CARS1: variants seen among roughly 807,000 people sequenced by gnomAD.
The protein encoded by CARS1 is cysteinyl-tRNA synthetase 1, also known as cysteine--tRNA ligase, cytoplasmic.
Under a neutral mutation model 106.2 loss-of-function variants are expected in CARS1, and 48 were observed. That is an observed-to-expected ratio of 0.45 (90% CI 0.36 to 0.57). The LOEUF (loss-of-function observed/expected upper bound fraction) is 0.57. Among genes scored for constraint, CARS1 ranks in the 20% least tolerant of loss-of-function variants. The probability of loss-of-function intolerance (pLI) is 0.00; values close to 1 mark genes in which losing one functional copy is unlikely to be tolerated. For missense variants in CARS1, 968 were observed against 1,057.2 expected (o/e 0.92, Z 1.17); for synonymous variants, 409 against 403.4 (o/e 1.01, Z -0.17).
chr11:3,040,581 G>A lies in CARS1; in HGVS notation c.455+315C>T. 1.9e-6 allele frequency: 1 copy of A among 534,450 alleles called. No individual in the cohort carries two copies. Among genetic ancestry groups the A allele is most frequent in the Non-Finnish European group, 3.6e-6 (1 of 278,562 alleles). 33.1% of individuals were successfully genotyped at this position (534,450 alleles called of 1,614,324 possible). ...CTCAGCATCTGGGGACCCCACGAGA[G>A]CTTGAGGGATGAGAGAAAACTTTAA... On this transcript the variant is annotated intron_variant, in intron 4 of 22. Coordinates refer to ENST00000380525, the MANE Select transcript of CARS1 (RefSeq NM_001014437.3). The surrounding 1 kb of genome is among the most constrained non-coding windows in gnomAD (Gnocchi z 5.8).
Position 3,041,448 on chromosome 11 carries a change from G to C in CARS1, c.367-464C>G, listed in dbSNP as rs1778119820. On this transcript the variant is annotated intron_variant, in intron 3 of 22. Transcript: ENST00000380525. This position sits in a 1 kb window ranked among gnomAD's most constrained non-coding sequence, Gnocchi z 4.9. ...CTTGGCCAGGGTCAGTCCCTGTTGG[G>C]GGAGCGCGGCTTGGAGGCCAGGACC... Among the ~76,000 whole-genome samples the C allele has an allele frequency of 1.3e-5, 2 of 152,112 alleles. No individual in the cohort carries two copies. Among genetic ancestry groups the C allele is most frequent in the South Asian group, 4.1e-4 (2 of 4,828 alleles).
At position 3,020,340 on chromosome 11, in the gene CARS1, C is replaced by A. The variant is rs199814371; in HGVS notation, c.1154-8G>T. ...CAGAGATGCTCAGGTCACCTGCAAA[C>A]ACGAGGGACGCCAGGCAAGGTCACT... On this transcript the variant is annotated splice_region_variant and splice_polypyrimidine_tract_variant and intron_variant, in intron 10 of 22. Coordinates refer to ENST00000380525, the MANE Select transcript of CARS1 (RefSeq NM_001014437.3). This position sits in a 1 kb window ranked among gnomAD's most constrained non-coding sequence, Gnocchi z 4.6. 344 of 1,588,836 alleles carry A rather than the reference C, an allele frequency of 2.2e-4. 2 individuals are homozygous for A. The highest frequency in any genetic ancestry group is 6.4e-5 in the Non-Finnish European group (74 of 1,157,122).
intron 16 of CARS1, 105 bp from the exon 17 acceptor site, chr11:3,015,954 G>A: frequency 1.1e-6 from 1 of 918,394 alleles, no homozygotes; most frequent in East Asian, 2.5e-5. Context: ...GGTGCCCCAA[G>A]ACCAGGAAAG....
Position 3,019,418 on chromosome 11 carries a change from G to T in CARS1, c.1267-151C>A. 1 of 860,982 alleles carries T rather than the reference G, an allele frequency of 1.2e-6. No homozygotes were observed. The highest frequency in any genetic ancestry group is 4.8e-5 in the South Asian group (1 of 20,860). 53.3% of individuals were successfully genotyped at this position (860,982 alleles called of 1,614,324 possible). On this transcript the variant is annotated intron_variant, in intron 11 of 22. Transcript: ENST00000380525. This position sits in a 1 kb window ranked among gnomAD's most constrained non-coding sequence, Gnocchi z 6.2. ...CACATGAAAAGACTAAGGGAAGGCTGGGCGAGATGGCTCACACCTGTAATC... is the reference window on the plus strand; with the variant it reads ...CACATGAAAAGACTAAGGGAAGGCTTGGCGAGATGGCTCACACCTGTAATC...
chr11:3,038,149 C>T lies in CARS1; in HGVS notation c.702G>A (p.Met234Ile), dbSNP rs1213252013. 1 of 1,614,136 alleles carries T rather than the reference C, an allele frequency of 6.2e-7. No homozygotes were observed. Among genetic ancestry groups the T allele is most frequent in the Non-Finnish European group, 8.5e-7 (1 of 1,179,964 alleles). Reference protein sequence around the residue: ...NETTDPDKKQMLERIQHAVQL... With the variant: ...NETTDPDKKQILERIQHAVQL... ...GCACTGCGTGCTGAATCCGTTCGAG[C>T]ATCTGCTTTTTATCGGGATCCGTGG... Residue 234 changes from methionine to isoleucine, a missense_variant, in exon 7 of 23, where the codon ATG becomes ATA. Coordinates refer to ENST00000380525, the MANE Select transcript of CARS1 (RefSeq NM_001014437.3). The surrounding 1 kb of genome is among the most constrained non-coding windows in gnomAD (Gnocchi z 4.0).
chr11:3,027,017 T>C (rs890018723), intron 9 of CARS1: 3 of 497,814 alleles, frequency 6.0e-6, no homozygotes, highest in South Asian at 5.6e-5. Flanking sequence ...GGGCAGCTCG[T>C]CCCTCTGCCT....
At chr11:3,055,320 T>A (rs1856095807) in intron 1 of CARS1, among the ~76,000 whole-genome samples, 1 of 151,540 alleles carries the variant, frequency 6.6e-6, no homozygotes, top group African/African-American at 2.4e-5. Context: ...CCCGGCTAAT[T>A]TTTTTTTTAT....
At chr11:3,013,682 T>C (rs998667024) in intron 17 of CARS1, among the ~76,000 whole-genome samples, 1 of 151,860 alleles carries the variant, frequency 6.6e-6, no homozygotes, top group African/African-American at 2.4e-5. Context: ...AACCCCCGTC[T>C]CTACTAAAAT....
Position 3,057,381 on chromosome 11 carries a change from G to T in CARS1, c.-14C>A, listed in dbSNP as rs753080255. Reference sequence around the variant, plus strand: ...GGAATCTGCCATGGCTGGGAATCCCGGACCCGCAGCTGCGGCTACAGACAC... The same window carrying T: ...GGAATCTGCCATGGCTGGGAATCCCTGACCCGCAGCTGCGGCTACAGACAC... On this transcript the variant is annotated 5_prime_UTR_variant, in exon 1 of 23. Coordinates refer to ENST00000380525, the MANE Select transcript of CARS1 (RefSeq NM_001014437.3). The T allele has an allele frequency of 6.2e-7, 1 of 1,609,152 alleles. No individual in the cohort carries two copies. Among genetic ancestry groups the T allele is most frequent in the South Asian group, 1.1e-5 (1 of 90,834 alleles).
rs1852584832 is a variant in CARS1 at position 3,030,259 on chromosome 11, G to A, written c.802-816C>T. The A allele has an allele frequency of 6.6e-6, 1 of 152,246 alleles. No homozygotes were observed. Among genetic ancestry groups the A allele is most frequent in the Non-Finnish European group, 1.5e-5 (1 of 68,098 alleles). The allele number at this position is 152,246 out of a possible 1,614,324, so 9.4% of individuals were successfully genotyped here. On this transcript the variant is annotated intron_variant, in intron 7 of 22. Transcript: ENST00000380525. The surrounding 1 kb of genome is among the most constrained non-coding windows in gnomAD (Gnocchi z 5.7). ...CTGGCAGACAGCAAGGACACAGGGTGGACAAAGCCACAACACAGACAGAGA... is the reference window on the plus strand; with the variant it reads ...CTGGCAGACAGCAAGGACACAGGGTAGACAAAGCCACAACACAGACAGAGA...
At chr11:3,012,139 C>T (rs1055503851) in intron 18 of CARS1, 56 bp downstream of exon 18, 10 of 1,485,952 alleles carry the variant, frequency 6.7e-6, no homozygotes, top group African/African-American at 2.8e-5. Context: ...ACGCCCGGTC[C>T]GGGGAGCCCA....
chr11:3,045,705 G>A lies in CARS1; in HGVS notation c.274+2048C>T, dbSNP rs185381562. ...TGGGATGTCCAACAGAGGTGGAAGGGCGAGCAGGAGGAGGGGCACATGGCC... is the reference window on the plus strand; with the variant it reads ...TGGGATGTCCAACAGAGGTGGAAGGACGAGCAGGAGGAGGGGCACATGGCC... On this transcript the variant is annotated intron_variant, in intron 2 of 22. Transcript: ENST00000380525. This position sits in a 1 kb window ranked among gnomAD's most constrained non-coding sequence, Gnocchi z 5.6. Among the ~76,000 whole-genome samples, 3 of 152,360 alleles carry A rather than the reference G, an allele frequency of 2.0e-5. No homozygotes were observed. The highest frequency in any genetic ancestry group is 7.2e-5 in the African/African-American group (3 of 41,588).
chr11:3,039,882 T>C lies in CARS1; in HGVS notation c.505A>G (p.Lys169Glu), dbSNP rs1486342861. The change falls in exon 5 of 23, where the codon AAA becomes GAA. Residue 169 changes from lysine to glutamate, a missense_variant. Physicochemically the swap from Lys to Glu is moderately conservative, Grantham distance 56. Coordinates refer to ENST00000380525, the MANE Select transcript of CARS1 (RefSeq NM_001014437.3). This position sits in a 1 kb window ranked among gnomAD's most constrained non-coding sequence, Gnocchi z 5.6. ...TTCATGCAATAAAAGACATCAAATT[T>C]GAAGTAATCCTTCAACACTCTTCTC... The part of the protein sequence containing the change: ...ILRRVLKDYF[K>E]FDVFYCMNIT... 6.3e-7 allele frequency: 1 copy of C among 1,593,320 alleles called. No individual in the cohort carries two copies.
At position 3,050,578 on chromosome 11, in the gene CARS1, T is replaced by A. The variant is rs1280694570; in HGVS notation, c.26-2577A>T. Among the ~76,000 whole-genome samples the A allele has an allele frequency of 6.6e-6, 1 of 152,220 alleles. No homozygotes were observed. Among genetic ancestry groups the A allele is most frequent in the Non-Finnish European group, 1.5e-5 (1 of 68,038 alleles). On this transcript the variant is annotated intron_variant, in intron 1 of 22. Transcript: ENST00000380525. The surrounding 1 kb of genome is among the most constrained non-coding windows in gnomAD (Gnocchi z 6.3). Reference sequence around the variant, plus strand: ...CACAGCCACAGGCCTCCAGCGGCCCTGCTGAAAAGCGCACGTTCACATTAC... The same window carrying A: ...CACAGCCACAGGCCTCCAGCGGCCCAGCTGAAAAGCGCACGTTCACATTAC...
rs1383744144 is a variant in CARS1, at chr11:3,038,858, A to C, written c.651+336T>G. The stretch of plus-strand genomic sequence containing the variant: ...TATCTTGGGCAGAAGTTTCTGATTT[A>C]GTTGTAACCTTGGCATTGAAAATTA... On this transcript the variant is annotated intron_variant, in intron 6 of 22. Coordinates refer to ENST00000380525, the MANE Select transcript of CARS1 (RefSeq NM_001014437.3). This position sits in a 1 kb window ranked among gnomAD's most constrained non-coding sequence, Gnocchi z 4.0. 6.6e-6 allele frequency among the ~76,000 whole-genome samples: 1 copy of C among 152,216 alleles called. No individual in the cohort carries two copies. The highest frequency in any genetic ancestry group is 1.5e-5 in the Non-Finnish European group (1 of 68,022).
intron 7 of CARS1, among the ~76,000 whole-genome samples, chr11:3,036,031 G>A (rs962510497): frequency 2.0e-5 from 3 of 152,230 alleles, no homozygotes; most frequent in East Asian, 1.9e-4. Context: ...CAGGAATTGC[G>A]GCACGTGCCA....
At position 3,037,044 on chromosome 11, in the gene CARS1, A is replaced by G. The variant is rs1853737509; in HGVS notation, c.801+1006T>C. 6.6e-6 allele frequency among the ~76,000 whole-genome samples: 1 copy of G among 152,038 alleles called. No individual in the cohort carries two copies. The highest frequency in any genetic ancestry group is 1.5e-5 in the Non-Finnish European group (1 of 68,018). On this transcript the variant is annotated intron_variant, in intron 7 of 22. Coordinates refer to ENST00000380525, the MANE Select transcript of CARS1 (RefSeq NM_001014437.3). The surrounding 1 kb of genome is among the most constrained non-coding windows in gnomAD (Gnocchi z 5.9). ...AAAGAATATTAGTGGAACAACTGGG[A>G]AAAAAATTACAGCAGCATTGTTGGT... is the stretch of plus-strand genomic sequence containing the variant.
rs1852387766 is a variant in CARS1, at chr11:3,028,808, T to C, written c.1031+188A>G. On this transcript the variant is annotated intron_variant, in intron 9 of 22. Transcript: ENST00000380525. The surrounding 1 kb of genome is among the most constrained non-coding windows in gnomAD (Gnocchi z 4.4). ...GTTCTCACCATGGCCCCCAGGACAG[T>C]GCAGACCCATGCTCCTCAGCCCCTG... The C allele has an allele frequency of 1.6e-6, 1 of 607,276 alleles. No homozygotes were observed. The highest frequency in any genetic ancestry group is 1.8e-5 in the African/African-American group (1 of 54,058). The allele number at this position is 607,276 out of a possible 1,614,324, so 37.6% of individuals were successfully genotyped here. A position where few individuals can be genotyped will look rare whatever the true frequency, so the allele number is the denominator to read the frequency against.
At chr11:3,013,833 A>G (rs1345713190) in intron 17 of CARS1, among the ~76,000 whole-genome samples, 1 of 152,202 alleles carries the variant, frequency 6.6e-6, no homozygotes, top group Admixed American at 6.5e-5. Flanking sequence ...AGCTGTGGAA[A>G]GAAGAGTTTT....
Sources: allele counts gnomAD v4.1 joint callset (sites outside exome capture counted in the v4.1 genomes callset), GRCh38; gene constraint gnomAD v4.1.1; non-coding constraint Gnocchi (gnomAD v3.1); transcripts MANE v1.5; gene names NCBI Gene and HGNC (gene_info 2026-07-23, HGNC 2026-07-21).